The following AP3B1 variants were observed in gnomAD, a reference collection of about 807,000 sequenced individuals.
The protein encoded by AP3B1 is AP-3 complex subunit beta-1.
Under a neutral mutation model 132.5 loss-of-function variants are expected in AP3B1, and 61 were observed. That is an observed-to-expected ratio of 0.46 (90% CI 0.37 to 0.57). The LOEUF is 0.57. Among genes scored for constraint, AP3B1 ranks in the 20% least tolerant of loss-of-function variants. AP3B1 has a pLI of 0.00. For missense variants in AP3B1, 1,120 were observed against 1,289.4 expected (o/e 0.87, Z 2.01); for synonymous variants, 388 against 438.3 (o/e 0.89, Z 1.43).
intron 1 of AP3B1, among the ~76,000 whole-genome samples, chr5:78,276,586 A>T (rs1251223331): frequency 6.6e-6 from 1 of 152,012 alleles, no homozygotes; most frequent in Non-Finnish European, 1.5e-5. Flanking sequence ...TCCAAAAATT[A>T]GTTGGACTTG....
intron 17 of AP3B1, among the ~76,000 whole-genome samples, chr5:78,120,508 C>T (rs1347205652): frequency 1.3e-5 from 2 of 151,970 alleles, no homozygotes. Context: ...ATCTACCAAG[C>T]AAATGGAAAA....
chr5:78,108,800 C>T (rs1221398567), intron 20 of AP3B1, among the ~76,000 whole-genome samples: 1 of 152,058 alleles, frequency 6.6e-6, no homozygotes, highest in Non-Finnish European at 1.5e-5. Context: ...GGGTACAACA[C>T]AACATGATGT....
At chr5:78,039,304 T>C (rs1195273140) in intron 22 of AP3B1, 30 bp from the exon 23 acceptor site, 4 of 1,502,650 alleles carry the variant, frequency 2.7e-6, no homozygotes, top group Non-Finnish European at 2.8e-6. Flanking sequence ...GAAAAAAAGA[T>C]GAGTTAGTGA....
intron 22 of AP3B1, chr5:78,087,790 T>C (rs543051479): frequency 3.0e-6 from 2 of 672,578 alleles, no homozygotes; most frequent in Non-Finnish European, 1.8e-6. Flanking sequence ...CTTCTTATTA[T>C]TAATAAAGTA....
chr5:78,226,851 C>T (rs968822111), intron 5 of AP3B1, among the ~76,000 whole-genome samples: 1 of 151,954 alleles, frequency 6.6e-6, no homozygotes, highest in Non-Finnish European at 1.5e-5. Context: ...AAATATCACA[C>T]AGATATGGTA....
At chr5:78,057,480 T>C (rs1235731554) in intron 22 of AP3B1, among the ~76,000 whole-genome samples, 1 of 152,190 alleles carries the variant, frequency 6.6e-6, no homozygotes, top group Non-Finnish European at 1.5e-5. Context: ...CGTCTCTTCT[T>C]GAGCTGGGTA....
At chr5:78,285,508 A>G (rs1749236760) in intron 1 of AP3B1, among the ~76,000 whole-genome samples, 1 of 151,966 alleles carries the variant, frequency 6.6e-6, no homozygotes, top group South Asian at 2.1e-4. Flanking sequence ...GTCTCATCCA[A>G]TCCCATGATA....
intron 24 of AP3B1, among the ~76,000 whole-genome samples, chr5:78,024,037 C>A (rs923544534): frequency 6.6e-6 from 1 of 151,974 alleles, no homozygotes; most frequent in Non-Finnish European, 1.5e-5. Flanking sequence ...ATGAGGTGAG[C>A]GGGTTAGCTC....
At chr5:78,078,379 C>CA (rs1749848714) in intron 22 of AP3B1, among the ~76,000 whole-genome samples, 1 of 152,172 alleles carries the variant, frequency 6.6e-6, no homozygotes, top group Non-Finnish European at 1.5e-5. Flanking sequence ...AAGATCTGAT[C>CA]ACTATCAATA....
rs759790870 is a variant in AP3B1, at chr5:78,034,348, C to A, written c.2894+13G>T. The A allele has an allele frequency of 1.9e-6, 3 of 1,598,314 alleles. No homozygotes were observed. The highest frequency in any genetic ancestry group is 2.2e-5 in the East Asian group (1 of 44,708). On this transcript the variant is annotated intron_variant, in intron 24 of 26. Coordinates refer to ENST00000255194, the MANE Select transcript of AP3B1 (RefSeq NM_003664.5). ...ACAGGTTATATAAAAAATAGAAGAA[C>A]AATTGAACTTACCACAACTGGAAAC...
At position 78,020,697 on chromosome 5, in the gene AP3B1, T is replaced by C. The variant is rs746992047; in HGVS notation, c.2987A>G (p.Glu996Gly). ...AAGTTGTAGACATCTCTCACCTTGC[T>C]CTTTCTTAAAATCTTTCTCTGACAT... The part of the protein sequence containing the change: ...VAMSEKDFKK[E>G]QGVLTGMNET... Residue 996 changes from glutamate (E) to glycine (G), a missense_variant, in exon 25 of 27, where the codon GAG (glutamate) becomes GGG (glycine). Glu to Gly is a moderately conservative substitution (Grantham distance 98). Around this residue, in one of 3 missense-constraint regions of AP3B1, gnomAD observed 906 missense variants for 997.1 expected, o/e 0.91. Coordinates refer to ENST00000255194, the MANE Select transcript of AP3B1 (RefSeq NM_003664.5). 19 of 1,609,846 alleles carry C rather than the reference T, an allele frequency of 1.2e-5. No homozygotes were observed. Among genetic ancestry groups the C allele is most frequent in the South Asian group, 9.9e-5 (9 of 90,998 alleles).
At position 78,294,677 on chromosome 5, in the gene AP3B1, A is replaced by G. The variant is rs1749683243; in HGVS notation, c.-98T>C. 9.4e-6 allele frequency: 15 copies of G among 1,588,192 alleles called. 1 individual carries two copies. In the South Asian group the frequency reaches 1.3e-4, roughly 14 times the overall value. On this transcript the variant is annotated 5_prime_UTR_variant, in exon 1 of 27. Coordinates refer to ENST00000255194, the MANE Select transcript of AP3B1 (RefSeq NM_003664.5). ...CGGAACAAAACTAGTTCTCGTACGG[A>G]GGAGCGCGCGCAGGCGCTTCCGGAC... is the stretch of plus-strand genomic sequence containing the variant.
chr5:78,065,567 T>C (rs1220210767), intron 22 of AP3B1, among the ~76,000 whole-genome samples: 2 of 152,152 alleles, frequency 1.3e-5, no homozygotes, highest in Non-Finnish European at 2.9e-5. Flanking sequence ...ACTGCTTCTT[T>C]AGAGTGAACA....
chr5:78,212,461 C>T (rs1484924046), intron 7 of AP3B1, among the ~76,000 whole-genome samples: 1 of 152,080 alleles, frequency 6.6e-6, no homozygotes, highest in Non-Finnish European at 1.5e-5. Flanking sequence ...TATGTCGATA[C>T]ATTGTTTTAG....
chr5:78,249,027 C>T (rs1411426169), intron 2 of AP3B1, among the ~76,000 whole-genome samples: 1 of 152,042 alleles, frequency 6.6e-6, no homozygotes, highest in African/African-American at 2.4e-5. Context: ...TTAGTTTATC[C>T]TAACTGGCAT....
intron 21 of AP3B1, among the ~76,000 whole-genome samples, chr5:78,099,390 T>G (rs1751035859): frequency 6.6e-6 from 1 of 152,170 alleles, no homozygotes; most frequent in African/African-American, 2.4e-5. Context: ...ATGAGCCTGG[T>G]ATGTGTGACA....
intron 15 of AP3B1, among the ~76,000 whole-genome samples, chr5:78,137,980 C>T (rs1030854535): frequency 3.3e-5 from 5 of 151,980 alleles, no homozygotes; most frequent in East Asian, 1.9e-4. Context: ...CAAGACTTCA[C>T]GGCAAACCAG....
At position 78,006,277 on chromosome 5, in the gene AP3B1, C is replaced by T. The variant is rs201326232; in HGVS notation, c.3132-3222G>A. ...AATCTGAACCCAAGCATTCTGATTC[C>T]AGGTCACACAAATTATCTTCATATA... On this transcript the variant is annotated intron_variant, in intron 26 of 26. Coordinates refer to ENST00000255194, the MANE Select transcript of AP3B1 (RefSeq NM_003664.5). 2.0e-5 allele frequency among the ~76,000 whole-genome samples: 3 copies of T among 152,246 alleles called. No individual in the cohort carries two copies. In the East Asian group the frequency reaches 5.8e-4, roughly 29 times the overall value.
At position 78,089,466 on chromosome 5, in the gene AP3B1, G is replaced by T. The variant is rs2112201957; in HGVS notation, c.2504C>A (p.Thr835Lys). The change falls in exon 22 of 27, where the codon ACA (threonine) becomes AAA (lysine). Residue 835 changes from threonine to lysine, a missense_variant. Transcript: ENST00000255194. ...CATCAAACTTGGAGAAAGAGCTGGT[G>T]TGGGAAGTGCAACTGGAGTGGATAC... ...NPVSTPVALP[T>K]PALSPSLMAD... is the part of the protein sequence containing the mutation. 6.2e-7 allele frequency: 1 copy of T among 1,613,332 alleles called. No individual in the cohort carries two copies. Among genetic ancestry groups the T allele is most frequent in the East Asian group, 2.2e-5 (1 of 44,814 alleles).
Sources: gnomAD v4.1 joint callset for allele counts (sites outside exome capture counted in the v4.1 genomes callset) on GRCh38, gnomAD v4.1.1 for gene constraint, gnomAD v4.1.1 regional missense constraint, MANE v1.5 for transcripts, NCBI Gene and HGNC (gene_info 2026-07-23, HGNC 2026-07-21) for gene names.